Variants in DYNC2H1 observed in about 807,000 individuals in gnomAD.
DYNC2H1 encodes cytoplasmic dynein 2 heavy chain 1.
DYNC2H1 carries 410 observed loss-of-function variants against 570.0 expected under a neutral mutation model. The ratio of observed to expected loss-of-function variants is 0.72; its 90% CI spans 0.66 to 0.78. The LOEUF is 0.78. Ranked by LOEUF, DYNC2H1 falls within the 30% of genes least tolerant of loss-of-function variation. DYNC2H1 has a pLI of 0.00. For missense variants in DYNC2H1, 4,865 were observed against 5,046.4 expected (o/e 0.96, Z 1.09); for synonymous variants, 1,688 against 1,677.6 (o/e 1.01, Z -0.15).
intron 45 of DYNC2H1, 46 bp from the exon 46 acceptor site, chr11:103,191,471 T>A (rs371195221): frequency 2.0e-5 from 29 of 1,416,106 alleles, no homozygotes; most frequent in Non-Finnish European, 2.7e-5. Flanking sequence ...AACATGATTA[T>A]TATTTAAGGC....
rs1233241423 is a variant in DYNC2H1, at chr11:103,134,425, G to A, written c.2205+6G>A. The stretch of plus-strand genomic sequence containing the variant: ...TAGCAACTGTAGAAGCACAGGTAGA[G>A]TATGTTTTATTTTGTGTGTATACTT... On this transcript the variant is annotated splice_donor_region_variant and intron_variant, in intron 15 of 88. Transcript: ENST00000375735. 1.9e-6 allele frequency: 3 copies of A among 1,604,114 alleles called. No homozygotes were observed. Among genetic ancestry groups the A allele is most frequent in the South Asian group, 1.1e-5 (1 of 89,236 alleles).
At chr11:103,354,034 G>A (rs2135516009) in intron 82 of DYNC2H1, among the ~76,000 whole-genome samples, 1 of 151,858 alleles carries the variant, frequency 6.6e-6, no homozygotes, top group Non-Finnish European at 1.5e-5. Context: ...AAAATTACCT[G>A]GGCATGGTGG....
intron 85 of DYNC2H1, among the ~76,000 whole-genome samples, chr11:103,445,301 A>G (rs1449360532): frequency 6.6e-6 from 1 of 152,218 alleles, no homozygotes; most frequent in Non-Finnish European, 1.5e-5. Flanking sequence ...CTATCTTTGT[A>G]TAGACCTATA....
chr11:103,391,252 TTCAA>T (rs1942137540), intron 83 of DYNC2H1, among the ~76,000 whole-genome samples: 1 of 152,236 alleles, frequency 6.6e-6, no homozygotes, highest in Admixed American at 6.5e-5. Context: ...TCTTTTGATC[TTCAA>T]TCACTGATAT....
At chr11:103,451,785 C>A (rs1591777210) in intron 85 of DYNC2H1, among the ~76,000 whole-genome samples, 1 of 152,112 alleles carries the variant, frequency 6.6e-6, no homozygotes, top group East Asian at 1.9e-4. Context: ...GGCTAAAAAC[C>A]TATCTCAGTT....
At chr11:103,459,236 G>A (rs1184130940) in intron 87 of DYNC2H1, among the ~76,000 whole-genome samples, 1 of 145,074 alleles carries the variant, frequency 6.9e-6, no homozygotes, top group African/African-American at 2.6e-5. Flanking sequence ...GTGAACCCGG[G>A]AGGCGGAGCT....
chr11:103,256,181 A>G lies in DYNC2H1; in HGVS notation c.10402A>G (p.Ser3468Gly). Residue 3468 changes from serine to glycine, a missense_variant, in exon 68 of 89, where the codon AGT (serine) becomes GGT (glycine). Ser to Gly is a moderately conservative substitution (Grantham distance 56, BLOSUM62 0). This residue lies in a region of DYNC2H1 where 2,401 missense variants were observed against 2,454.6 expected (regional missense o/e 0.98). Transcript: ENST00000375735. This position sits in a 1 kb window ranked among gnomAD's most constrained non-coding sequence, Gnocchi z 4.0. ...IESLNQTKAS[S>G]ALIQESLKES... ...GTCTTTGAATCAGACAAAAGCAAGC[A>G]GTGCACTTATTCAAGAGTCACTTAA... 3.1e-6 allele frequency: 5 copies of G among 1,609,210 alleles called. No individual in the cohort carries two copies. Among genetic ancestry groups the G allele is most frequent in the Non-Finnish European group, 4.2e-6 (5 of 1,177,416 alleles).
chr11:103,292,250 A>T, intron 75 of DYNC2H1, among the ~76,000 whole-genome samples: 1 of 145,204 alleles, frequency 6.9e-6, no homozygotes, highest in African/African-American at 2.5e-5. Flanking sequence ...TTATGTGTGT[A>T]TGCATTATAA....
At chr11:103,260,566 A>G (rs1285400246) in intron 70 of DYNC2H1, among the ~76,000 whole-genome samples, 1 of 151,944 alleles carries the variant, frequency 6.6e-6, no homozygotes, top group African/African-American at 2.4e-5. Flanking sequence ...ACATCGGACA[A>G]TATTTTAGAA....
Position 103,185,157 on chromosome 11 carries a change from ATTTGAAATTATGTATT to A in DYNC2H1, c.6633+107_6633+122del. 1.0e-6 allele frequency: 1 copy of A among 1,001,848 alleles called. No homozygotes were observed. Among genetic ancestry groups the A allele is most frequent in the Non-Finnish European group, 1.4e-6 (1 of 713,116 alleles). The allele number at this position is 1,001,848 out of a possible 1,614,324, so 62.1% of individuals were successfully genotyped here. A position where few individuals can be genotyped will look rare whatever the true frequency, so the allele number is the denominator to read the frequency against. On this transcript the variant is annotated intron_variant, in intron 41 of 88. Coordinates refer to ENST00000375735, the MANE Select transcript of DYNC2H1 (RefSeq NM_001377.3). The surrounding 1 kb of genome is among the most constrained non-coding windows in gnomAD (Gnocchi z 4.5). Reference sequence around the variant, plus strand: ...AACTGTAAGATATGGAACTTTTAAAATTTGAAATTATGTATTCAATTGAGTAATAATGTATTTATGT... The same window carrying A: ...AACTGTAAGATATGGAACTTTTAAAACAATTGAGTAATAATGTATTTATGT...
chr11:103,254,529 GT>G lies in DYNC2H1; in HGVS notation c.10207-879del, dbSNP rs1474669435. Among the ~76,000 whole-genome samples, 2 of 152,104 alleles carry G rather than the reference GT, an allele frequency of 1.3e-5. No homozygotes were observed. The highest frequency in any genetic ancestry group is 4.8e-5 in the African/African-American group (2 of 41,416). ...CTGATTTAAAATGTATAATTCAATG[GT>G]TTTTTTAGTGGAATTGCTGGGTCTT... On this transcript the variant is annotated intron_variant, in intron 66 of 88. Coordinates refer to ENST00000375735, the MANE Select transcript of DYNC2H1 (RefSeq NM_001377.3). This position sits in a 1 kb window ranked among gnomAD's most constrained non-coding sequence, Gnocchi z 4.9.
At chr11:103,142,003 C>T (rs780040529) in intron 17 of DYNC2H1, among the ~76,000 whole-genome samples, 1 of 152,192 alleles carries the variant, frequency 6.6e-6, no homozygotes, top group Admixed American at 6.5e-5. Context: ...GGCATAGGAC[C>T]CTCCCAGCCA....
intron 65 of DYNC2H1, among the ~76,000 whole-genome samples, chr11:103,247,819 C>T (rs1311438021): frequency 6.6e-6 from 1 of 151,850 alleles, no homozygotes; most frequent in East Asian, 1.9e-4. Flanking sequence ...GAAATTGTAC[C>T]TGTGGTTAGT....
intron 55 of DYNC2H1, among the ~76,000 whole-genome samples, chr11:103,218,687 G>A (rs896318383): frequency 2.6e-5 from 4 of 152,086 alleles, no homozygotes; most frequent in African/African-American, 9.7e-5. Context: ...GTACTCTCTG[G>A]CTAGTGACAT....
chr11:103,310,651 T>C (rs954832743), intron 78 of DYNC2H1, among the ~76,000 whole-genome samples: 2 of 150,314 alleles, frequency 1.3e-5, no homozygotes, highest in Non-Finnish European at 3.0e-5. Context: ...GATAGGTACT[T>C]AATACTTCAG....
chr11:103,357,517 A>G lies in DYNC2H1; in HGVS notation c.12040-726A>G, dbSNP rs1232233907. Among the ~76,000 whole-genome samples, 4 of 152,130 alleles carry G rather than the reference A, an allele frequency of 2.6e-5. No individual in the cohort carries two copies. The East Asian group carries it at 7.7e-4, about 29-fold the overall frequency. Reference sequence around the variant, plus strand: ...TTATTATGCTATTCTTTTTCCAGTCATTTCATATTTTTAAGGAAACTATCT... The same window carrying G: ...TTATTATGCTATTCTTTTTCCAGTCGTTTCATATTTTTAAGGAAACTATCT... On this transcript the variant is annotated intron_variant, in intron 82 of 88. Coordinates refer to ENST00000375735, the MANE Select transcript of DYNC2H1 (RefSeq NM_001377.3).
intron 87 of DYNC2H1, chr11:103,468,381 A>G (rs907274855): frequency 5.1e-6 from 2 of 392,674 alleles, no homozygotes; most frequent in Non-Finnish European, 9.1e-6. Flanking sequence ...TATATTTGCT[A>G]AAAATGAGAA....
intron 83 of DYNC2H1, among the ~76,000 whole-genome samples, chr11:103,390,189 G>C (rs1452665913): frequency 6.6e-6 from 1 of 152,060 alleles, no homozygotes; most frequent in Non-Finnish European, 1.5e-5. Flanking sequence ...TGCTGTATTG[G>C]GTGCATATAT....
In DYNC2H1 at chr11:103,170,168, C is replaced by G; in HGVS notation, c.5029C>G (p.Gln1677Glu). 2 of 1,612,910 alleles carry G rather than the reference C, an allele frequency of 1.2e-6. No homozygotes were observed. Among genetic ancestry groups the G allele is most frequent in the Non-Finnish European group, 1.7e-6 (2 of 1,179,380 alleles). Reference protein sequence around the residue: ...LTDKCYLTLTQAMKMGLGGNP... With the variant: ...LTDKCYLTLTEAMKMGLGGNP... ...AGACAAGTGCTACTTAACTCTCACT[C>G]AAGCCATGAAGATGGGACTTGGAGG... The change falls in exon 33 of 89, where the codon CAA (glutamine) becomes GAA (glutamate). Residue 1677 changes from glutamine to glutamate, a missense_variant. Coordinates refer to ENST00000375735, the MANE Select transcript of DYNC2H1 (RefSeq NM_001377.3). This position sits in a 1 kb window ranked among gnomAD's most constrained non-coding sequence, Gnocchi z 4.8.
Sources: allele counts gnomAD v4.1 joint callset (sites outside exome capture counted in the v4.1 genomes callset), GRCh38; gene constraint gnomAD v4.1.1; regional missense constraint gnomAD v4.1.1; non-coding constraint Gnocchi (gnomAD v3.1); transcripts MANE v1.5; gene names NCBI Gene and HGNC (gene_info 2026-07-23, HGNC 2026-07-21).